Variants in ZNF469 observed in about 807,000 individuals in gnomAD.
ZNF469 encodes zinc finger protein 469.
A neutral mutation model predicts 1.0 loss-of-function variants in ZNF469; 1 was observed. That is an observed-to-expected ratio of 1.00 (90% confidence interval 0.35 to 4.73). The LOEUF is 4.73. Among genes scored for constraint, ZNF469 ranks in the 30% most tolerant of loss-of-function variants. The pLI, the probability that ZNF469 is intolerant of heterozygous loss-of-function variation, is 0.16. For missense variants in ZNF469, 6,100 were observed against 5,356.3 expected (o/e 1.14, Z -4.33); for synonymous variants, 2,703 against 2,363.4 (o/e 1.14, Z -4.17).
intron 1 of ZNF469, among the ~76,000 whole-genome samples, chr16:88,397,192 A>G (rs1172536781): frequency 6.6e-6 from 1 of 152,224 alleles, no homozygotes; most frequent in Admixed American, 6.5e-5. Flanking sequence ...ACCTCTTCCT[A>G]TGAGTTCCAG....
chr16:88,279,368 G>T, the ZNF469 span, among the ~76,000 whole-genome samples: 1 of 140,196 alleles, frequency 7.1e-6, no homozygotes, highest in Non-Finnish European at 1.5e-5. Context: ...CCATGCTGAC[G>T]CTCAGTCAGT....
At chr16:88,137,699 AT>A in the ZNF469 span, among the ~76,000 whole-genome samples, 1 of 152,268 alleles carries the variant, frequency 6.6e-6, no homozygotes, top group Non-Finnish European at 1.5e-5. Context: ...GCTATGAGCC[AT>A]GGTAACTCAT....
At position 88,436,968 on chromosome 16, in the gene ZNF469, G is replaced by A. The variant is rs1906628445; in HGVS notation, c.9498G>A (p.Arg3166=). 2.7e-6 allele frequency: 4 copies of A among 1,507,140 alleles called. 1 individual carries two copies. Among genetic ancestry groups the A allele is most frequent in the African/African-American group, 2.8e-5 (2 of 72,434 alleles). 93.4% of individuals were successfully genotyped at this position (1,507,140 alleles called of 1,614,324 possible). Reference sequence around the variant, plus strand: ...TGCTGCGGGGGCACCTGCAGGAGAGGCACGCGCAGAGCAAGGCCGGGCCCT... The same window carrying A: ...TGCTGCGGGGGCACCTGCAGGAGAGACACGCGCAGAGCAAGGCCGGGCCCT... ...RELLRGHLQE[R]HAQSKAGPWA... Residue 3166 remains arginine, a synonymous_variant, in exon 3 of 3, where the codon AGG becomes AGA. Coordinates refer to ENST00000565624, the MANE Select transcript of ZNF469 (RefSeq NM_001367624.2).
At chr16:88,329,569 G>A in the ZNF469 span, among the ~76,000 whole-genome samples, 19 of 152,188 alleles carry the variant, frequency 1.2e-4, no homozygotes, top group African/African-American at 3.9e-4. Context: ...TCTCAGAGGC[G>A]AGGGCTAGCA....
At chr16:88,282,521 C>T in the ZNF469 span, among the ~76,000 whole-genome samples, 46,486 of 151,978 alleles carry the variant, frequency 0.31, 7,501 homozygotes, top group Non-Finnish European at 0.35. Context: ...CAGATGCTCA[C>T]CTTGCAGAAG....
the ZNF469 span, among the ~76,000 whole-genome samples, chr16:88,141,835 C>T: frequency 7.4e-4 from 112 of 152,172 alleles, no homozygotes; most frequent in African/African-American, 2.5e-3. Flanking sequence ...CCAGAAAAGG[C>T]AGGAAAGGGA....
rs901871782 is a variant in ZNF469, at chr16:88,438,449, G to T, written c.10979G>T (p.Gly3660Val). The change falls in exon 3 of 3, where the codon GGG becomes GTG. Residue 3660 changes from glycine to valine, a missense_variant. By Grantham distance (109) the Gly-to-Val change is moderately radical. Transcript: ENST00000565624. The part of the protein sequence containing the change: ...VSSSHMVSEG[G>V]PRGAFHKGSA... Reference sequence around the variant, plus strand: ...TCAAGCCACATGGTGTCTGAGGGGGGGCCCCGAGGCGCCTTCCACAAGGGC... The same window carrying T: ...TCAAGCCACATGGTGTCTGAGGGGGTGCCCCGAGGCGCCTTCCACAAGGGC... The T allele has an allele frequency of 1.3e-6, 2 of 1,550,152 alleles. No homozygotes were observed. Among genetic ancestry groups the T allele is most frequent in the Non-Finnish European group, 8.7e-7 (1 of 1,146,964 alleles).
intron 1 of ZNF469, among the ~76,000 whole-genome samples, chr16:88,405,613 A>G (rs968890347): frequency 6.6e-6 from 1 of 152,152 alleles, no homozygotes; most frequent in Non-Finnish European, 1.5e-5. Context: ...GTGAACACCA[A>G]TGAGATTTCA....
At chr16:88,283,650 C>T in the ZNF469 span, among the ~76,000 whole-genome samples, 11 of 152,222 alleles carry the variant, frequency 7.2e-5, no homozygotes, top group Non-Finnish European at 1.3e-4. Flanking sequence ...CTTTGGATAT[C>T]GTTCATGATT....
At chr16:88,351,149 G>T in the ZNF469 span, among the ~76,000 whole-genome samples, 8 of 152,218 alleles carry the variant, frequency 5.3e-5, no homozygotes, top group African/African-American at 1.9e-4. Flanking sequence ...AGGGTGATAG[G>T]TGACAGGCAG....
chr16:88,372,873 T>C, the ZNF469 span, among the ~76,000 whole-genome samples: 8 of 151,842 alleles, frequency 5.3e-5, no homozygotes, highest in African/African-American at 1.7e-4. Context: ...ATCTTTACCA[T>C]CTTCACCATC....
At chr16:88,246,157 G>A in the ZNF469 span, among the ~76,000 whole-genome samples, 1 of 152,254 alleles carries the variant, frequency 6.6e-6, no homozygotes, top group Non-Finnish European at 1.5e-5. Context: ...CAAGCCAAGG[G>A]CAGGAGCTCC....
chr16:88,305,617 C>G, the ZNF469 span, among the ~76,000 whole-genome samples: 60 of 151,914 alleles, frequency 3.9e-4, no homozygotes, highest in African/African-American at 1.4e-3. Context: ...CACACACACC[C>G]TCACGTGCAC....
At position 88,430,649 on chromosome 16, in the gene ZNF469, G is replaced by A; in HGVS notation, c.3179G>A (p.Arg1060Lys). The A allele has an allele frequency of 2.0e-6, 3 of 1,494,654 alleles. No individual in the cohort carries two copies. The highest frequency in any genetic ancestry group is 2.7e-6 in the Non-Finnish European group (3 of 1,127,760). 92.6% of individuals were successfully genotyped at this position (1,494,654 alleles called of 1,614,324 possible). The change falls in exon 3 of 3, where the codon AGG (arginine) becomes AAG (lysine). Residue 1060 changes from arginine (R) to lysine (K), a missense_variant. By Grantham distance (26) the Arg-to-Lys change is conservative. Transcript: ENST00000565624. ...CTGAAGATCGTGCAGCAGAAGAACA[G>A]GCGCCACCGGCGGCTGGGGCGGCGG... ...LILKIVQQKN[R>K]RHRRLGRRAG...
chr16:88,211,329 G>T, the ZNF469 span, among the ~76,000 whole-genome samples: 1 of 152,214 alleles, frequency 6.6e-6, no homozygotes, highest in Non-Finnish European at 1.5e-5. Flanking sequence ...GTACAGGGAG[G>T]TGATCGTCTA....
the ZNF469 span, among the ~76,000 whole-genome samples, chr16:88,244,294 T>C: frequency 2.0e-5 from 3 of 151,404 alleles, no homozygotes; most frequent in African/African-American, 7.3e-5. Flanking sequence ...GATGAATGAC[T>C]GGATGGGTGA....
chr16:88,108,100 C>T, the ZNF469 span, among the ~76,000 whole-genome samples: 15 of 150,350 alleles, frequency 1.0e-4, no homozygotes, highest in South Asian at 6.2e-4. Context: ...GACATTTGCA[C>T]GTCTGTGGGG....
In ZNF469 at chr16:88,432,145, G is replaced by A. The variant is rs376951144; in HGVS notation, c.4675G>A (p.Glu1559Lys). ...CGTTGCTCTTATGAGTCACCTGTCCGAGGATGAACTGGAGATCCAGAAATT... is the reference window on the plus strand; with the variant it reads ...CGTTGCTCTTATGAGTCACCTGTCCAAGGATGAACTGGAGATCCAGAAATT... The part of the protein sequence containing the change: ...CSVALMSHLS[E>K]DELEIQKLVT... The change falls in exon 3 of 3, where the codon GAG becomes AAG. Residue 1559 changes from glutamate (E) to lysine (K), a missense_variant. Coordinates refer to ENST00000565624, the MANE Select transcript of ZNF469 (RefSeq NM_001367624.2). The A allele has an allele frequency of 4.0e-5, 62 of 1,550,334 alleles. No homozygotes were observed. In the Admixed American group the frequency reaches 4.3e-4, roughly 11 times the overall value.
Position 88,439,455 on chromosome 16 carries a change from A to C in ZNF469, c.*123A>C, listed in dbSNP as rs1906852334. ...CACTTGACTTCTTGTGCAACTGCTC[A>C]GGCCTTGATGTCAGAGCTGAGGTGG... On this transcript the variant is annotated 3_prime_UTR_variant, in exon 3 of 3. Transcript: ENST00000565624. 3 of 1,084,508 alleles carry C rather than the reference A, an allele frequency of 2.8e-6. No homozygotes were observed. The highest frequency in any genetic ancestry group is 4.1e-6 in the Non-Finnish European group (3 of 732,796). The allele number at this position is 1,084,508 out of a possible 1,614,324, so 67.2% of individuals were successfully genotyped here. A position where few individuals can be genotyped will look rare whatever the true frequency, so the allele number is the denominator to read the frequency against.
Sources: allele counts gnomAD v4.1 joint callset (sites outside exome capture counted in the v4.1 genomes callset), GRCh38; gene constraint gnomAD v4.1.1; transcripts MANE v1.5; gene names NCBI Gene and HGNC (gene_info 2026-07-23, HGNC 2026-07-21).